The following CACNA1D variants were observed in gnomAD, a reference collection of about 807,000 sequenced individuals.
CACNA1D encodes voltage-dependent L-type calcium channel subunit alpha-1D.
A neutral mutation model predicts 257.1 loss-of-function variants in CACNA1D; 55 were observed. That is an observed-to-expected ratio of 0.21 (90% CI 0.17 to 0.27). The LOEUF is 0.27. Among genes scored for constraint, CACNA1D ranks in the 10% least tolerant of loss-of-function variants. CACNA1D has a pLI of 1.00. For missense variants in CACNA1D, 1,876 were observed against 2,784.0 expected, an observed-to-expected ratio of 0.67 and a Z score of 7.34; for synonymous variants, 980 against 1,014.9, an observed-to-expected ratio of 0.97 and a Z score of 0.65.
rs2107821014 is a variant in CACNA1D at position 53,593,487 on chromosome 3, A to G, written c.484-57292A>G. ...GATGTGTGAGTGGTAAATACTTTGG[A>G]AGAAATACACCCCAAGCCTGGTGTG... On this transcript the variant is annotated intron_variant, in intron 3 of 47. Transcript: ENST00000350061. Among the ~76,000 whole-genome samples, 2 of 152,270 alleles carry G rather than the reference A, an allele frequency of 1.3e-5. 1 individual carries two copies. The highest frequency in any genetic ancestry group is 4.2e-4 in the South Asian group (2 of 4,814).
chr3:53,550,330 A>C (rs1040192919), intron 3 of CACNA1D, among the ~76,000 whole-genome samples: 1 of 152,158 alleles, frequency 6.6e-6, no homozygotes, highest in Non-Finnish European at 1.5e-5. Context: ...TGGAACCACC[A>C]AGCAGGGTTC....
At chr3:53,546,169 G>A (rs570339885) in intron 3 of CACNA1D, among the ~76,000 whole-genome samples, 18 of 152,358 alleles carry the variant, frequency 1.2e-4, no homozygotes, top group Non-Finnish European at 2.1e-4. Flanking sequence ...GGCTGTGGCT[G>A]TGGCCGTCGC....
intron 40 of CACNA1D, chr3:53,791,086 G>A (rs1276045301): frequency 5.7e-6 from 4 of 698,824 alleles, no homozygotes; most frequent in Non-Finnish European, 1.0e-5. Flanking sequence ...GTCTCAAGTG[G>A]GCTTATTTCT....
chr3:53,596,658 G>A (rs1281938638), intron 3 of CACNA1D, among the ~76,000 whole-genome samples: 1 of 152,180 alleles, frequency 6.6e-6, no homozygotes, highest in East Asian at 1.9e-4. Context: ...GTAACCACGA[G>A]CCAAGGAATG....
At chr3:53,718,884 G>A (rs757179179) in intron 10 of CACNA1D, 188 of 735,038 alleles carry the variant, frequency 2.6e-4, no homozygotes, top group South Asian at 6.8e-4. Flanking sequence ...CAGGCCTGGC[G>A]GTTGGATGAC....
chr3:53,809,775 G>A, intron 46 of CACNA1D: 1 of 610,468 alleles, frequency 1.6e-6, no homozygotes, highest in Non-Finnish European at 2.9e-6. Flanking sequence ...ATGGATTCGG[G>A]GTAAAAGAAA....
intron 8 of CACNA1D, among the ~76,000 whole-genome samples, chr3:53,695,240 A>T (rs2094562965): frequency 6.6e-6 from 1 of 152,116 alleles, no homozygotes; most frequent in African/African-American, 2.4e-5. Context: ...ACGTGCTGTG[A>T]TCTGGTGTCG....
At chr3:53,680,074 ATGG>A (rs1438901398) in intron 8 of CACNA1D, among the ~76,000 whole-genome samples, 4 of 152,206 alleles carry the variant, frequency 2.6e-5, no homozygotes, top group Admixed American at 6.5e-5. Context: ...TGTTGGTACC[ATGG>A]TACCTGAAGT....
At chr3:53,715,910 C>T (rs993893937) in intron 9 of CACNA1D, among the ~76,000 whole-genome samples, 1 of 152,204 alleles carries the variant, frequency 6.6e-6, no homozygotes. Flanking sequence ...ACATTTCATA[C>T]ACTAATAGTT....
At chr3:53,623,670 A>G (rs1334406733) in intron 3 of CACNA1D, among the ~76,000 whole-genome samples, 5 of 152,254 alleles carry the variant, frequency 3.3e-5, no homozygotes, top group Non-Finnish European at 7.3e-5. Context: ...AAAACCCACC[A>G]CAGGAGCCTT....
chr3:53,718,180 C>A (rs973734691), intron 9 of CACNA1D, 121 bp from the exon 10 acceptor site: 14 of 820,500 alleles, frequency 1.7e-5, no homozygotes, highest in Non-Finnish European at 3.0e-5. Flanking sequence ...GCCCTGAGGG[C>A]CCTTTTCACC....
chr3:53,612,621 C>A (rs1264026095), intron 3 of CACNA1D, among the ~76,000 whole-genome samples: 5 of 152,190 alleles, frequency 3.3e-5, no homozygotes, highest in Non-Finnish European at 5.9e-5. Context: ...TGGAGGGTTT[C>A]CCTCTTCAGA....
At chr3:53,788,732 T>C (rs2095469116) in intron 40 of CACNA1D, among the ~76,000 whole-genome samples, 2 of 152,098 alleles carry the variant, frequency 1.3e-5, no homozygotes, top group African/African-American at 4.8e-5. Flanking sequence ...TCTGGGAGCC[T>C]AATTGGGACC....
chr3:53,756,848 G>C (rs2095268470), intron 29 of CACNA1D, among the ~76,000 whole-genome samples: 1 of 152,178 alleles, frequency 6.6e-6, no homozygotes, highest in Non-Finnish European at 1.5e-5. Flanking sequence ...TACCCATCTG[G>C]CGTTTTGTCC....
chr3:53,617,239 G>A (rs923807838), intron 3 of CACNA1D, among the ~76,000 whole-genome samples: 2 of 152,020 alleles, frequency 1.3e-5, no homozygotes, highest in Non-Finnish European at 2.9e-5. Context: ...GTCACTGTGT[G>A]CTCTCCTCTC....
chr3:53,663,415 G>T (rs2094225502), intron 5 of CACNA1D, among the ~76,000 whole-genome samples: 1 of 152,210 alleles, frequency 6.6e-6, no homozygotes, highest in Non-Finnish European at 1.5e-5. Context: ...TGCTGAGGTC[G>T]TGGGGCCATG....
At chr3:53,753,475 A>T in intron 28 of CACNA1D, 97 bp from the exon 29 acceptor site, 1 of 842,388 alleles carries the variant, frequency 1.2e-6, no homozygotes. Flanking sequence ...GCTGTGGAGG[A>T]TGCCCACAGG....
intron 20 of CACNA1D, 44 bp downstream of exon 20, chr3:53,735,547 C>G (rs1483204113): frequency 6.8e-6 from 11 of 1,609,884 alleles, no homozygotes; most frequent in South Asian, 4.4e-5. Flanking sequence ...GCCCTGGCCT[C>G]TCTCGGGCAG....
At chr3:53,514,458 G>C (rs140740664) in intron 3 of CACNA1D, among the ~76,000 whole-genome samples, 61 of 152,278 alleles carry the variant, frequency 4.0e-4, no homozygotes, top group Admixed American at 1.8e-3. Context: ...AAGGTCTGGG[G>C]ACTGGCATAG....
Sources: gnomAD v4.1 joint callset for allele counts (sites outside exome capture counted in the v4.1 genomes callset) on GRCh38, gnomAD v4.1.1 for gene constraint, MANE v1.5 for transcripts, NCBI Gene and HGNC (gene_info 2026-07-23, HGNC 2026-07-21) for gene names.